FREM1: variants seen among roughly 807,000 people sequenced by gnomAD.
FREM1 encodes FRAS1 related extracellular matrix 1, also known as FRAS1-related extracellular matrix protein 1.
A neutral mutation model predicts 210.1 loss-of-function variants in FREM1; 220 were observed. The ratio of observed to expected loss-of-function variants is 1.05; its 90% CI spans 0.94 to 1.17. The LOEUF (loss-of-function observed/expected upper bound fraction) is 1.17, where lower values mean the gene tolerates loss of function less well. Ranked by LOEUF, FREM1 falls within the 50% of genes most tolerant of loss-of-function variation. FREM1 has a pLI of 0.00. For synonymous variants in FREM1, 1,189 were observed against 980.2 expected (o/e 1.21, Z -3.98); for missense variants, 3,454 against 2,675.5 (o/e 1.29, Z -6.42).
chr9:14,774,694 G>A (rs1205887572), intron 25 of FREM1, among the ~76,000 whole-genome samples: 1 of 152,082 alleles, frequency 6.6e-6, no homozygotes, highest in African/African-American at 2.4e-5. Context: ...GTAGATTCAA[G>A]GGTTTGAGAG....
At chr9:14,881,772 T>A (rs1200363032) in intron 1 of FREM1, among the ~76,000 whole-genome samples, 2 of 152,214 alleles carry the variant, frequency 1.3e-5, no homozygotes, top group Non-Finnish European at 2.9e-5. Context: ...TCACAGTCTC[T>A]CTTGTAGCTA....
At chr9:14,790,247 T>C (rs1452302087) in intron 22 of FREM1, among the ~76,000 whole-genome samples, 1 of 152,136 alleles carries the variant, frequency 6.6e-6, no homozygotes, top group African/African-American at 2.4e-5. Context: ...AAAAGAGCTT[T>C]GTCCTCCTCT....
At chr9:14,741,712 T>C (rs1841609683) in intron 35 of FREM1, among the ~76,000 whole-genome samples, 1 of 152,212 alleles carries the variant, frequency 6.6e-6, no homozygotes, top group African/African-American at 2.4e-5. Flanking sequence ...AGGATTCTAC[T>C]TCCTGATTAC....
intron 19 of FREM1, among the ~76,000 whole-genome samples, chr9:14,803,366 A>ATCCT (rs1817717942): frequency 9.5e-6 from 1 of 105,660 alleles, no homozygotes; most frequent in Non-Finnish European, 1.8e-5. Flanking sequence ...CCTTCTTTCC[A>ATCCT]TCCTTCCTTC....
intron 3 of FREM1, among the ~76,000 whole-genome samples, chr9:14,861,004 C>A (rs1375669041): frequency 1.0e-5 from 1 of 95,772 alleles, no homozygotes; most frequent in Non-Finnish European, 2.0e-5. Flanking sequence ...TATATATACA[C>A]ATATATACAT....
At chr9:14,863,725 C>T (rs73642429) in intron 3 of FREM1, 84 bp downstream of exon 3, 11,484 of 783,104 alleles carry the variant, frequency 0.015, 186 homozygotes, top group Middle Eastern at 0.051. Context: ...CCCCTCATGA[C>T]AATACATATC....
chr9:14,737,202 G>A lies in FREM1; in HGVS notation c.*194C>T. ...TAAAAGGTATTGAGATACAAAAATTGTATCTTATCTTGTAAAAAATATTTA... is the reference window on the plus strand; with the variant it reads ...TAAAAGGTATTGAGATACAAAAATTATATCTTATCTTGTAAAAAATATTTA... On this transcript the variant is annotated 3_prime_UTR_variant, in exon 37 of 37. Coordinates refer to ENST00000380880, the MANE Select transcript of FREM1 (RefSeq NM_001379081.2). 2.0e-6 allele frequency: 1 copy of A among 512,050 alleles called. No individual in the cohort carries two copies. The highest frequency in any genetic ancestry group is 3.5e-5 in the Admixed American group (1 of 28,652). 31.7% of individuals were successfully genotyped at this position (512,050 alleles called of 1,614,324 possible). A position where few individuals can be genotyped will look rare whatever the true frequency, so the allele number is the denominator to read the frequency against.
At chr9:14,795,773 G>C (rs1257311488) in intron 21 of FREM1, among the ~76,000 whole-genome samples, 1 of 152,066 alleles carries the variant, frequency 6.6e-6, no homozygotes, top group East Asian at 1.9e-4. Flanking sequence ...CCACAATTTT[G>C]GTGAGGATTT....
intron 7 of FREM1, among the ~76,000 whole-genome samples, 161 bp from the exon 8 acceptor site, chr9:14,846,252 C>T (rs1388967317): frequency 6.6e-6 from 1 of 152,134 alleles, no homozygotes; most frequent in East Asian, 1.9e-4. Context: ...AGCAAACTAA[C>T]ACAGGAACAG....
At chr9:14,876,119 G>C (rs763507929) in intron 1 of FREM1, among the ~76,000 whole-genome samples, 1 of 152,102 alleles carries the variant, frequency 6.6e-6, no homozygotes, top group African/African-American at 2.4e-5. Context: ...CTGCTCGGGG[G>C]TCAGGGGTCA....
In FREM1 at chr9:14,910,343, G is replaced by A. The variant is rs1818512881; in HGVS notation, c.-697C>T. 1 of 152,312 alleles carries A rather than the reference G, an allele frequency of 6.6e-6. No individual in the cohort carries two copies. The allele number at this position is 152,312 out of a possible 1,614,324, so 9.4% of individuals were successfully genotyped here. On this transcript the variant is annotated 5_prime_UTR_variant, in exon 1 of 37. Coordinates refer to ENST00000380880, the MANE Select transcript of FREM1 (RefSeq NM_001379081.2). ...GTGCCTTCTGCTGGTTGGGTCCGCAGGGACAAAACTGAGCTTTTGTTAATG... is the reference window on the plus strand; with the variant it reads ...GTGCCTTCTGCTGGTTGGGTCCGCAAGGACAAAACTGAGCTTTTGTTAATG...
chr9:14,775,677 C>A lies in FREM1; in HGVS notation c.4857+112G>T, dbSNP rs185999995. ...GAGCCAAGATCACGCCACTGCACTG[C>A]AGCCTGGGTGACAGAGAGAGACTCC... On this transcript the variant is annotated intron_variant, in intron 25 of 36. Transcript: ENST00000380880. 3.1e-4 allele frequency: 220 copies of A among 698,452 alleles called. 1 individual carries two copies. Among genetic ancestry groups the A allele is most frequent in the Non-Finnish European group, 7.3e-5 (32 of 439,906 alleles). The allele number at this position is 698,452 out of a possible 1,614,324, so 43.3% of individuals were successfully genotyped here.
At chr9:14,881,903 C>G (rs1834859957) in intron 1 of FREM1, among the ~76,000 whole-genome samples, 1 of 152,130 alleles carries the variant, frequency 6.6e-6, no homozygotes, top group Non-Finnish European at 1.5e-5. Context: ...TTTCTTTATG[C>G]TTCCCTCCAT....
At position 14,788,901 on chromosome 9, in the gene FREM1, T is replaced by C. The variant is rs546074978; in HGVS notation, c.4177+18A>G. 3.7e-6 allele frequency: 6 copies of C among 1,601,298 alleles called. No homozygotes were observed. In the East Asian group the frequency reaches 1.3e-4, roughly 36 times the overall value. ...TAGCAAAGTTGATCCCAGTAAACCT[T>C]GGTAGACGTGCTTTTACCTTTTTCC... On this transcript the variant is annotated intron_variant, in intron 23 of 36. Coordinates refer to ENST00000380880, the MANE Select transcript of FREM1 (RefSeq NM_001379081.2).
chr9:14,881,694 C>T (rs1834818254), intron 1 of FREM1, among the ~76,000 whole-genome samples: 1 of 152,218 alleles, frequency 6.6e-6, no homozygotes, highest in Non-Finnish European at 1.5e-5. Flanking sequence ...CAACATCCAA[C>T]CTCACCTTCC....
At chr9:14,744,837 T>C (rs1174772237) in intron 35 of FREM1, among the ~76,000 whole-genome samples, 2 of 152,206 alleles carry the variant, frequency 1.3e-5, no homozygotes, top group African/African-American at 2.4e-5. Context: ...TACAAAGTGA[T>C]TGTACCATTT....
chr9:14,875,529 T>C (rs1000484892), intron 1 of FREM1, among the ~76,000 whole-genome samples: 1 of 152,350 alleles, frequency 6.6e-6, no homozygotes, highest in East Asian at 1.9e-4. Context: ...GCTCCATCAG[T>C]GCCTTTAAGC....
chr9:14,872,615 C>G (rs929307688), intron 1 of FREM1, among the ~76,000 whole-genome samples: 47 of 152,004 alleles, frequency 3.1e-4, no homozygotes, highest in African/African-American at 9.6e-4. Context: ...CATCTGCAAA[C>G]AGGGACAATT....
intron 24 of FREM1, among the ~76,000 whole-genome samples, chr9:14,776,435 G>A (rs893848872): frequency 6.6e-6 from 1 of 152,186 alleles, no homozygotes; most frequent in Admixed American, 6.5e-5. Flanking sequence ...ATTAATGACA[G>A]ACCCATGTGA....
Sources: gnomAD v4.1 joint callset for allele counts (sites outside exome capture counted in the v4.1 genomes callset) on GRCh38, gnomAD v4.1.1 for gene constraint, MANE v1.5 for transcripts, NCBI Gene and HGNC (gene_info 2026-07-23, HGNC 2026-07-21) for gene names.